The following NRXN1 variants were observed in gnomAD, a reference collection of about 807,000 sequenced individuals.
The protein encoded by NRXN1 is neurexin 1.
A neutral mutation model predicts 150.9 loss-of-function variants in NRXN1; 39 were observed. The observed-to-expected ratio is 0.26, with a 90% CI of 0.20 to 0.34. NRXN1 has a LOEUF of 0.34. Ranked by LOEUF, NRXN1 falls within the 10% of genes least tolerant of loss-of-function variation. The probability of loss-of-function intolerance (pLI) is 1.00; values close to 1 mark genes in which losing one functional copy is unlikely to be tolerated. For missense variants in NRXN1, 1,815 were observed against 1,949.9 expected, an observed-to-expected ratio of 0.93 and a Z score of 1.30; for synonymous variants, 924 against 757.0, an observed-to-expected ratio of 1.22 and a Z score of -3.62.
intron 5 of NRXN1, among the ~76,000 whole-genome samples, chr2:50,767,117 G>T (rs17502934): frequency 0.11 from 16,866 of 152,032 alleles, 1,235 homozygotes; most frequent in East Asian, 0.15. Flanking sequence ...AATTTGCTTA[G>T]GTCTTGCTTA....
intron 18 of NRXN1, among the ~76,000 whole-genome samples, chr2:50,124,579 TA>T (rs1273011416): frequency 6.6e-6 from 1 of 152,068 alleles, no homozygotes; most frequent in East Asian, 1.9e-4. Context: ...CAGCAACATA[TA>T]AAATATTTCC....
chr2:50,963,857 G>T, intron 2 of NRXN1: 1 of 307,830 alleles, frequency 3.2e-6, no homozygotes, highest in Non-Finnish European at 6.6e-6. Context: ...TTTCAATTTA[G>T]CATACACAAT....
At chr2:49,969,904 A>T (rs1158390148) in intron 21 of NRXN1, 1 of 152,150 alleles carries the variant, frequency 6.6e-6, no homozygotes, top group East Asian at 1.9e-4. Flanking sequence ...TCCATCAAAA[A>T]TCTGAAATAG....
intron 21 of NRXN1, among the ~76,000 whole-genome samples, chr2:50,039,148 G>C (rs1043349682): frequency 1.3e-5 from 2 of 152,096 alleles, no homozygotes; most frequent in Admixed American, 1.3e-4. Flanking sequence ...CTGTACTCCA[G>C]CCTGAGCAAC....
chr2:50,767,543 C>G (rs1702513185), intron 5 of NRXN1, among the ~76,000 whole-genome samples: 1 of 152,006 alleles, frequency 6.6e-6, no homozygotes, highest in East Asian at 1.9e-4. Flanking sequence ...AGATTTCCGA[C>G]AGTGTGCTAA....
intron 5 of NRXN1, among the ~76,000 whole-genome samples, chr2:50,858,506 AT>A (rs1319416117): frequency 1.3e-5 from 2 of 152,110 alleles, no homozygotes; most frequent in Non-Finnish European, 2.9e-5. Context: ...ACAGTGTGAG[AT>A]TAATAGCAAT....
At chr2:50,536,063 T>C (rs1381830182) in intron 10 of NRXN1, among the ~76,000 whole-genome samples, 4 of 152,166 alleles carry the variant, frequency 2.6e-5, no homozygotes, top group Non-Finnish European at 5.9e-5. Context: ...CTGTTTTAAA[T>C]TGGAAATTCG....
chr2:50,622,537 T>C (rs1680217590), intron 6 of NRXN1, among the ~76,000 whole-genome samples: 1 of 152,190 alleles, frequency 6.6e-6, no homozygotes, highest in African/African-American at 2.4e-5. Flanking sequence ...ATGTTCAATA[T>C]AAAAGGACAA....
chr2:50,651,402 C>A (rs1685589220), intron 5 of NRXN1, among the ~76,000 whole-genome samples: 1 of 151,892 alleles, frequency 6.6e-6, no homozygotes, highest in Non-Finnish European at 1.5e-5. Flanking sequence ...CACTTAAGCT[C>A]AGGAGCTCAA....
At chr2:50,487,001 A>G (rs2090920651) in intron 15 of NRXN1, among the ~76,000 whole-genome samples, 1 of 152,204 alleles carries the variant, frequency 6.6e-6, no homozygotes, top group Non-Finnish European at 1.5e-5. Flanking sequence ...AAATGGTTAC[A>G]ATAATTTCTA....
chr2:50,254,502 A>G (rs1242906017), intron 17 of NRXN1, among the ~76,000 whole-genome samples: 1 of 151,182 alleles, frequency 6.6e-6, no homozygotes, highest in Non-Finnish European at 1.5e-5. Context: ...TCTAGTTGTG[A>G]TGTTAGGGTG....
intron 5 of NRXN1, among the ~76,000 whole-genome samples, chr2:50,669,479 A>G (rs1054857507): frequency 6.6e-6 from 1 of 151,998 alleles, no homozygotes; most frequent in Non-Finnish European, 1.5e-5. Flanking sequence ...ATCACTATTT[A>G]TTATCCTCAC....
At chr2:50,402,389 A>C (rs952627661) in intron 17 of NRXN1, among the ~76,000 whole-genome samples, 1 of 152,038 alleles carries the variant, frequency 6.6e-6, no homozygotes, top group African/African-American at 2.4e-5. Flanking sequence ...CTTTGCTTCA[A>C]TGTAAAGTAT....
intron 5 of NRXN1, among the ~76,000 whole-genome samples, chr2:50,626,453 CAAACTT>C (rs1013115183): frequency 1.6e-4 from 25 of 151,940 alleles, no homozygotes; most frequent in African/African-American, 5.8e-4. Context: ...TAACGATAAT[CAAACTT>C]AAAATATTCT....
At chr2:50,327,261 G>A (rs916753306) in intron 17 of NRXN1, among the ~76,000 whole-genome samples, 5 of 152,108 alleles carry the variant, frequency 3.3e-5, no homozygotes, top group African/African-American at 1.2e-4. Context: ...TCAAAAATAT[G>A]ATGATCCAAA....
chr2:50,997,641 A>G (rs1243704902), intron 2 of NRXN1, among the ~76,000 whole-genome samples: 2 of 140,020 alleles, frequency 1.4e-5, no homozygotes, highest in Non-Finnish European at 3.0e-5. Context: ...CTGAGTAGCT[A>G]TGACTACAGG....
chr2:50,412,663 T>A (rs886943470), intron 17 of NRXN1, among the ~76,000 whole-genome samples: 9 of 152,202 alleles, frequency 5.9e-5, no homozygotes, highest in African/African-American at 2.2e-4. Context: ...CTTACTGAAA[T>A]AATTATAAAA....
In NRXN1 at chr2:49,920,098, T is replaced by C. The variant is rs1255897984; in HGVS notation, c.*1846A>G. 6.6e-6 allele frequency: 1 copy of C among 152,214 alleles called. No homozygotes were observed. The highest frequency in any genetic ancestry group is 2.4e-5 in the African/African-American group (1 of 41,458). 9.4% of individuals were successfully genotyped at this position (152,214 alleles called of 1,614,324 possible). A position where few individuals can be genotyped will look rare whatever the true frequency, so the allele number is the denominator to read the frequency against. On this transcript the variant is annotated 3_prime_UTR_variant, in exon 23 of 23. Coordinates refer to ENST00000401669, the MANE Select transcript of NRXN1 (RefSeq NM_001330078.2). ...ACTACCTTCTCATATTAGTAATTTA[T>C]TGCTGTGAACATCATTGAATAATAT... is the stretch of plus-strand genomic sequence containing the variant.
intron 5 of NRXN1, among the ~76,000 whole-genome samples, chr2:50,789,094 C>T (rs1163843547): frequency 6.6e-6 from 1 of 152,130 alleles, no homozygotes; most frequent in Non-Finnish European, 1.5e-5. Context: ...TAAGGAATTT[C>T]ATATATTCCA....
Sources: allele counts gnomAD v4.1 joint callset (sites outside exome capture counted in the v4.1 genomes callset), GRCh38; gene constraint gnomAD v4.1.1; transcripts MANE v1.5; gene names NCBI Gene and HGNC (gene_info 2026-07-23, HGNC 2026-07-21).